GOLIM4: variants seen among roughly 807,000 people sequenced by gnomAD.
GOLIM4 encodes golgi integral membrane protein 4.
In GOLIM4, 71 loss-of-function variants were observed where a neutral mutation model predicts 107.4. The ratio of observed to expected loss-of-function variants is 0.66; its 90% CI spans 0.55 to 0.81. The LOEUF (loss-of-function observed/expected upper bound fraction) is 0.81, where lower values mean the gene tolerates loss of function less well. GOLIM4 is among the 30% of genes least tolerant of loss of function. The pLI is 0.00. For missense variants in GOLIM4, 830 were observed against 826.1 expected, an observed-to-expected ratio of 1.00 and a Z score of -0.06; for synonymous variants, 327 against 294.8, an observed-to-expected ratio of 1.11 and a Z score of -1.12.
intron 1 of GOLIM4, among the ~76,000 whole-genome samples, chr3:168,049,798 T>C (rs191037025): frequency 9.8e-5 from 15 of 152,312 alleles, no homozygotes; most frequent in East Asian, 3.9e-4. Context: ...ACAACCACCA[T>C]TGTCCTCTTT....
intron 9 of GOLIM4, among the ~76,000 whole-genome samples, chr3:168,031,420 A>G (rs1417993395): frequency 6.6e-6 from 1 of 152,236 alleles, no homozygotes; most frequent in Admixed American, 6.5e-5. Flanking sequence ...ATCATTATAC[A>G]TTATATGAAT....
At chr3:168,063,939 C>T (rs916955620) in intron 1 of GOLIM4, among the ~76,000 whole-genome samples, 20 of 152,016 alleles carry the variant, frequency 1.3e-4, no homozygotes, top group African/African-American at 2.2e-4. Context: ...AGGTGGATAG[C>T]AGGATACTTC....
rs2108246549 is a variant in GOLIM4, at chr3:168,043,433, G to C, written c.463C>G (p.Gln155Glu). The C allele has an allele frequency of 1.9e-6, 3 of 1,611,846 alleles. No individual in the cohort carries two copies. Among genetic ancestry groups the C allele is most frequent in the Non-Finnish European group, 2.5e-6 (3 of 1,178,704 alleles). ...DFSRTFNDHK[Q>E]KYLQLQQEKE... ...TCTTGCTGGAGCTGCAAGTATTTTT[G>C]CTTATGGTCATTAAATGTTCTACTG... The change falls in exon 5 of 16, where the codon CAA becomes GAA. Residue 155 changes from glutamine (Q) to glutamate (E), a missense_variant. Transcript: ENST00000470487.
At chr3:168,023,436 C>T (rs1334738590) in intron 14 of GOLIM4, among the ~76,000 whole-genome samples, 2 of 152,184 alleles carry the variant, frequency 1.3e-5, no homozygotes, top group African/African-American at 4.8e-5. Context: ...TTTCTGTTTT[C>T]CTGGTATAAG....
rs374864406 is a variant in GOLIM4, at chr3:168,024,528, C to T, written c.1858G>A (p.Glu620Lys). 1 of 1,603,980 alleles carries T rather than the reference C, an allele frequency of 6.2e-7. No homozygotes were observed. Among genetic ancestry groups the T allele is most frequent in the Non-Finnish European group, 8.5e-7 (1 of 1,170,854 alleles). The change falls in exon 14 of 16, where the codon GAG becomes AAG. Residue 620 changes from glutamate to lysine, a missense_variant and splice_region_variant. Coordinates refer to ENST00000470487, the MANE Select transcript of GOLIM4 (RefSeq NM_014498.5). Reference sequence around the variant, plus strand: ...CTCTGGGATTCAATCCTTACTACCTCCTCTTCTGCCTCTTCCTGGTACTGT... The same window carrying T: ...CTCTGGGATTCAATCCTTACTACCTTCTCTTCTGCCTCTTCCTGGTACTGT... ...DEQYQEEAEE[E>K]VQEDLTEEKK...
At chr3:168,085,386 A>G (rs750079629) in intron 1 of GOLIM4, among the ~76,000 whole-genome samples, 1 of 152,214 alleles carries the variant, frequency 6.6e-6, no homozygotes, top group South Asian at 2.1e-4. Flanking sequence ...AAGGGCATGC[A>G]TTGTCTCTCC....
chr3:168,059,120 G>A (rs1185003360), intron 1 of GOLIM4, among the ~76,000 whole-genome samples: 1 of 152,142 alleles, frequency 6.6e-6, no homozygotes, highest in African/African-American at 2.4e-5. Context: ...CAAAATTGAT[G>A]TGCTTGAAAC....
At chr3:168,029,702 T>C (rs949242010) in intron 10 of GOLIM4, 78 bp downstream of exon 10, 5 of 1,531,838 alleles carry the variant, frequency 3.3e-6, no homozygotes, top group Non-Finnish European at 4.4e-6. Context: ...GAATCACAAA[T>C]GCACAAAACT....
At chr3:168,010,510 T>G in intron 15 of GOLIM4, 92 bp from the exon 16 acceptor site, 2 of 951,548 alleles carry the variant, frequency 2.1e-6, no homozygotes, top group South Asian at 3.3e-5. Flanking sequence ...AATTACTCAT[T>G]TTTGGAGGAA....
chr3:168,034,745 G>T (rs1718539566), intron 8 of GOLIM4, among the ~76,000 whole-genome samples: 1 of 152,110 alleles, frequency 6.6e-6, no homozygotes, highest in Non-Finnish European at 1.5e-5. Flanking sequence ...TCAATCATGG[G>T]GTCAAGTCTT....
At chr3:168,059,729 G>A (rs776360713) in intron 1 of GOLIM4, among the ~76,000 whole-genome samples, 5 of 152,160 alleles carry the variant, frequency 3.3e-5, no homozygotes, top group South Asian at 2.1e-4. Context: ...AAAAGAGATC[G>A]AAAGAGACTG....
At chr3:168,067,180 A>G (rs897215288) in intron 1 of GOLIM4, among the ~76,000 whole-genome samples, 4 of 152,148 alleles carry the variant, frequency 2.6e-5, no homozygotes, top group African/African-American at 9.6e-5. Flanking sequence ...ATTAAATGCC[A>G]CTCCTAATGA....
intron 1 of GOLIM4, among the ~76,000 whole-genome samples, chr3:168,074,725 A>G (rs1444059643): frequency 1.3e-5 from 2 of 152,224 alleles, no homozygotes; most frequent in African/African-American, 4.8e-5. Flanking sequence ...GCCAAGAGAT[A>G]TAGCTGTCAT....
intron 1 of GOLIM4, among the ~76,000 whole-genome samples, chr3:168,068,350 C>T (rs1023094806): frequency 6.6e-6 from 1 of 151,890 alleles, no homozygotes; most frequent in African/African-American, 2.4e-5. Context: ...ACTGCTCATT[C>T]AACACTTTGT....
chr3:168,024,892 C>G, intron 13 of GOLIM4, 36 bp downstream of exon 13: 1 of 1,566,718 alleles, frequency 6.4e-7, no homozygotes, highest in Non-Finnish European at 8.8e-7. Context: ...TAAAATAGCC[C>G]AGTTAAATCC....
intron 1 of GOLIM4, among the ~76,000 whole-genome samples, chr3:168,058,837 G>A (rs1720113694): frequency 6.6e-6 from 1 of 152,142 alleles, no homozygotes; most frequent in Non-Finnish European, 1.5e-5. Flanking sequence ...AGGACTCACA[G>A]TAATAGAAAT....
intron 9 of GOLIM4, among the ~76,000 whole-genome samples, chr3:168,032,023 T>TA (rs1194057725): frequency 6.6e-6 from 1 of 152,188 alleles, no homozygotes; most frequent in Non-Finnish European, 1.5e-5. Flanking sequence ...TATGCTCACC[T>TA]AGTAGAATAT....
chr3:168,082,351 C>T (rs553073375), intron 1 of GOLIM4, among the ~76,000 whole-genome samples: 5 of 152,172 alleles, frequency 3.3e-5, no homozygotes, highest in African/African-American at 9.6e-5. Flanking sequence ...AAGACAAAGC[C>T]GACTTTCTTT....
chr3:168,080,096 A>G (rs1261781275), intron 1 of GOLIM4, among the ~76,000 whole-genome samples: 1 of 152,184 alleles, frequency 6.6e-6, no homozygotes, highest in Non-Finnish European at 1.5e-5. Flanking sequence ...TATAATAACA[A>G]AAAGTTTCAA....
Sources: gnomAD v4.1 joint callset for allele counts (sites outside exome capture counted in the v4.1 genomes callset) on GRCh38, gnomAD v4.1.1 for gene constraint, MANE v1.5 for transcripts, NCBI Gene and HGNC (gene_info 2026-07-23, HGNC 2026-07-21) for gene names.